Variants in F10 observed in about 807,000 individuals in gnomAD.
The protein encoded by F10 is coagulation factor X.
A neutral mutation model predicts 37.1 loss-of-function variants in F10; 29 were observed. That is an observed-to-expected ratio of 0.78 (90% CI 0.58 to 1.07). The LOEUF is 1.07. Ranked by LOEUF, F10 falls within the 50% of genes least tolerant of loss-of-function variation. The pLI, the probability that F10 is intolerant of heterozygous loss-of-function variation, is 0.00. For missense variants in F10, 539 were observed against 667.9 expected, an observed-to-expected ratio of 0.81 and a Z score of 2.13; for synonymous variants, 262 against 268.6, an observed-to-expected ratio of 0.98 and a Z score of 0.24.
intron 2 of F10, among the ~76,000 whole-genome samples, chr13:113,135,459 A>G (rs1190524253): frequency 1.3e-5 from 2 of 152,146 alleles, no homozygotes; most frequent in Non-Finnish European, 2.9e-5. Flanking sequence ...TGCTTCCAAG[A>G]CGGTGCCTCA....
In F10 at chr13:113,143,620, A is replaced by G. The variant is rs2036552786; in HGVS notation, c.503-231A>G. Among the ~76,000 whole-genome samples the G allele has an allele frequency of 6.6e-6, 1 of 152,114 alleles. No individual in the cohort carries two copies. Among genetic ancestry groups the G allele is most frequent in the Non-Finnish European group, 1.5e-5 (1 of 68,020 alleles). ...CTGCCTGGGTTGCTGCCTGGCGTCC[A>G]TTGTTCACAGGCGGTCACCTGAGGG... On this transcript the variant is annotated intron_variant, in intron 5 of 7. Transcript: ENST00000375559. The surrounding 1 kb of genome is among the most constrained non-coding windows in gnomAD (Gnocchi z 6.8).
Position 113,136,633 on chromosome 13 carries a change from C to CTTTTTTTT in F10, c.232-1796_232-1789dup. On this transcript the variant is annotated intron_variant, in intron 2 of 7. Coordinates refer to ENST00000375559, the MANE Select transcript of F10 (RefSeq NM_000504.4). ...CCACCATGGCAGGCTAATTCTTGTA[C>CTTTTTTTT]TTTTTTTTTTTTTTTTTTTTTTTTT... Among the ~76,000 whole-genome samples, 13 of 6,020 alleles carry CTTTTTTTT rather than the reference C, an allele frequency of 2.2e-3. 4 individuals carry two copies. Among genetic ancestry groups the CTTTTTTTT allele is most frequent in the East Asian group, 0.023 (2 of 86 alleles). 3.9% of individuals were successfully genotyped at this position (6,020 alleles called of 152,430 possible). A position where few individuals can be genotyped will look rare whatever the true frequency, so the allele number is the denominator to read the frequency against.
rs1438789712 is a variant in F10 at position 113,144,538 on chromosome 13, T to C, written c.747+443T>C. The stretch of plus-strand genomic sequence containing the variant: ...CAGCGGGCAGGAGGACGGTGCCGGG[T>C]GGGCAAGGCCTCCATCTGCTCTTCT... On this transcript the variant is annotated intron_variant, in intron 6 of 7. Transcript: ENST00000375559. The surrounding 1 kb of genome is among the most constrained non-coding windows in gnomAD (Gnocchi z 6.4). Among the ~76,000 whole-genome samples the C allele has an allele frequency of 6.6e-6, 1 of 152,248 alleles. No individual in the cohort carries two copies. The highest frequency in any genetic ancestry group is 6.5e-5 in the Admixed American group (1 of 15,292).
intron 1 of F10, among the ~76,000 whole-genome samples, chr13:113,125,891 A>G (rs369266157): frequency 4.6e-5 from 7 of 152,152 alleles, no homozygotes; most frequent in African/African-American, 1.7e-4. Flanking sequence ...GTTGGGTGCT[A>G]GAAGACAAAT....
At chr13:113,145,723 C>G (rs1448837488) in intron 6 of F10, among the ~76,000 whole-genome samples, 2 of 152,130 alleles carry the variant, frequency 1.3e-5, no homozygotes, top group East Asian at 3.9e-4. Flanking sequence ...ATGGCGGCAG[C>G]AAGACAGAGA....
rs1037492937 is a variant in F10 at position 113,141,696 on chromosome 13, G to A, written c.502+646G>A. Among the ~76,000 whole-genome samples, 2 of 152,156 alleles carry A rather than the reference G, an allele frequency of 1.3e-5. No individual in the cohort carries two copies. The highest frequency in any genetic ancestry group is 2.9e-5 in the Non-Finnish European group (2 of 68,014). On this transcript the variant is annotated intron_variant, in intron 5 of 7. Coordinates refer to ENST00000375559, the MANE Select transcript of F10 (RefSeq NM_000504.4). This position sits in a 1 kb window ranked among gnomAD's most constrained non-coding sequence, Gnocchi z 5.4. The stretch of plus-strand genomic sequence containing the variant: ...CCTACGCTGGGCTTGCCTGGCTGCC[G>A]GCACTTCCACACGGCCAGCACACAT...
chr13:113,129,549 G>A lies in F10; in HGVS notation c.168G>A (p.Glu56=). 6.2e-7 allele frequency: 1 copy of A among 1,614,226 alleles called. No homozygotes were observed. The highest frequency in any genetic ancestry group is 8.5e-7 in the Non-Finnish European group (1 of 1,180,032). ...EEMKKGHLER[E]CMEETCSYEE... The stretch of plus-strand genomic sequence containing the variant: ...TGAAGAAAGGACACCTCGAAAGAGA[G>A]TGCATGGAAGAGACCTGCTCATACG... The change falls in exon 2 of 8, where the codon GAG becomes GAA. Residue 56 remains glutamate (E), a synonymous_variant. Transcript: ENST00000375559.
At chr13:113,123,007 T>G in intron 1 of F10, 82 bp downstream of exon 1, 4 of 1,483,542 alleles carry the variant, frequency 2.7e-6, no homozygotes, top group Non-Finnish European at 3.7e-6. Context: ...CTCTCATCTC[T>G]GCAGCCTGGA....
chr13:113,145,854 T>C (rs903655462), intron 6 of F10, among the ~76,000 whole-genome samples: 2 of 152,054 alleles, frequency 1.3e-5, no homozygotes, highest in African/African-American at 4.8e-5. Flanking sequence ...TCCCACCAGG[T>C]CCCTCCCACA....
In F10 at chr13:113,143,528, A is replaced by G. The variant is rs1175215959; in HGVS notation, c.503-323A>G. On this transcript the variant is annotated intron_variant, in intron 5 of 7. Coordinates refer to ENST00000375559, the MANE Select transcript of F10 (RefSeq NM_000504.4). This position sits in a 1 kb window ranked among gnomAD's most constrained non-coding sequence, Gnocchi z 6.8. ...TCGCCCGGCCCGTTTGTCTCTGTCCATCCGTCAAGCTTTCTTGACTTCTTG... is the reference window on the plus strand; with the variant it reads ...TCGCCCGGCCCGTTTGTCTCTGTCCGTCCGTCAAGCTTTCTTGACTTCTTG... 6.6e-6 allele frequency among the ~76,000 whole-genome samples: 1 copy of G among 152,060 alleles called. No individual in the cohort carries two copies. The highest frequency in any genetic ancestry group is 2.4e-5 in the African/African-American group (1 of 41,382).
intron 2 of F10, among the ~76,000 whole-genome samples, chr13:113,132,370 CT>C (rs2036442638): frequency 6.6e-6 from 1 of 152,166 alleles, no homozygotes; most frequent in Non-Finnish European, 1.5e-5. Flanking sequence ...TATAGCTAAG[CT>C]ATATTTTATT....
In F10 at chr13:113,144,256, C is replaced by A; in HGVS notation, c.747+161C>A. On this transcript the variant is annotated intron_variant, in intron 6 of 7. Transcript: ENST00000375559. This position sits in a 1 kb window ranked among gnomAD's most constrained non-coding sequence, Gnocchi z 6.4. Reference sequence around the variant, plus strand: ...CCCAAGCCTGCCTGCCTGTCCCCTCCCTCCGGGCAGCCAAGGAGGCTGTGA... The same window carrying A: ...CCCAAGCCTGCCTGCCTGTCCCCTCACTCCGGGCAGCCAAGGAGGCTGTGA... The A allele has an allele frequency of 1.8e-6, 2 of 1,134,452 alleles. No homozygotes were observed. Among genetic ancestry groups the A allele is most frequent in the African/African-American group, 1.5e-5 (1 of 65,746 alleles). The allele number at this position is 1,134,452 out of a possible 1,614,324, so 70.3% of individuals were successfully genotyped here.
At chr13:113,142,265 G>A (rs973656769) in intron 5 of F10, among the ~76,000 whole-genome samples, 1 of 152,136 alleles carries the variant, frequency 6.6e-6, no homozygotes, top group Non-Finnish European at 1.5e-5. Context: ...GTGTGGGCCG[G>A]GTGCAGTAGC....
Position 113,140,867 on chromosome 13 carries a change from C to T in F10, c.371-52C>T, listed in dbSNP as rs560790071. The T allele has an allele frequency of 4.3e-6, 7 of 1,613,390 alleles. No homozygotes were observed. The African/African-American group carries it at 9.3e-5, about 21-fold the overall frequency. On this transcript the variant is annotated intron_variant, in intron 4 of 7. Coordinates refer to ENST00000375559, the MANE Select transcript of F10 (RefSeq NM_000504.4). Reference sequence around the variant, plus strand: ...TGTAGCTGGCACCCTTGGGCCAGCCCAGCCTCCATTTCTCCAGCTGTCCCC... The same window carrying T: ...TGTAGCTGGCACCCTTGGGCCAGCCTAGCCTCCATTTCTCCAGCTGTCCCC...
intron 2 of F10, among the ~76,000 whole-genome samples, chr13:113,136,712 G>A (rs2036481950): frequency 8.8e-5 from 1 of 11,384 alleles, no homozygotes; most frequent in African/African-American, 1.6e-4. Flanking sequence ...GTGCAGTGGC[G>A]GGATCTCGGC....
chr13:113,132,363 A>G (rs2036442554), intron 2 of F10, among the ~76,000 whole-genome samples: 1 of 152,252 alleles, frequency 6.6e-6, no homozygotes, highest in Non-Finnish European at 1.5e-5. Flanking sequence ...GCTACCCTAT[A>G]GCTAAGCTAT....
chr13:113,147,045 C>T (rs1184670838), intron 6 of F10, among the ~76,000 whole-genome samples: 1 of 152,204 alleles, frequency 6.6e-6, no homozygotes, highest in East Asian at 1.9e-4. Context: ...GTCTCCTGGT[C>T]CCAGGTAGAA....
Position 113,129,447 on chromosome 13 carries a change from T to C in F10, c.71-5T>C. ...GCTTTTAACCCTGTCCTCCCTGCCT[T>C]CCAGTGTTCATCCGCAGGGAGCAGG... On this transcript the variant is annotated splice_polypyrimidine_tract_variant and splice_region_variant and intron_variant, in intron 1 of 7. Coordinates refer to ENST00000375559, the MANE Select transcript of F10 (RefSeq NM_000504.4). The C allele has an allele frequency of 6.2e-7, 1 of 1,613,442 alleles. No individual in the cohort carries two copies.
At chr13:113,124,894 G>A (rs1007977129) in intron 1 of F10, among the ~76,000 whole-genome samples, 8 of 152,224 alleles carry the variant, frequency 5.3e-5, no homozygotes, top group Admixed American at 2.6e-4. Flanking sequence ...CTGTTTCCTG[G>A]CCTCGGGGTG....
Sources: allele counts gnomAD v4.1 joint callset (sites outside exome capture counted in the v4.1 genomes callset), GRCh38; gene constraint gnomAD v4.1.1; non-coding constraint Gnocchi (gnomAD v3.1); transcripts MANE v1.5; gene names NCBI Gene and HGNC (gene_info 2026-07-23, HGNC 2026-07-21).